Variants in RAD52 observed in about 807,000 individuals in gnomAD.
RAD52 encodes DNA repair protein RAD52 homolog.
In RAD52, 47 loss-of-function variants were observed where a neutral mutation model predicts 55.5. The observed-to-expected ratio is 0.85, with a 90% CI of 0.67 to 1.08. The LOEUF (loss-of-function observed/expected upper bound fraction) is 1.08. Among genes scored for constraint, RAD52 ranks in the 50% least tolerant of loss-of-function variants. The pLI is 0.00. For missense variants in RAD52, 468 were observed against 522.8 expected, an observed-to-expected ratio of 0.90 and a Z score of 1.02; for synonymous variants, 184 against 198.9, an observed-to-expected ratio of 0.92 and a Z score of 0.63.
At chr12:939,085 TA>T (rs1164311435) in intron 1 of RAD52, among the ~76,000 whole-genome samples, 5,630 of 144,512 alleles carry the variant, frequency 0.039, 202 homozygotes, top group African/African-American at 0.098. Flanking sequence ...TGTGTGTGTG[TA>T]GAGAGAGAGA....
chr12:962,991 A>G (rs1592475818), intron 1 of RAD52, among the ~76,000 whole-genome samples: 3 of 152,180 alleles, frequency 2.0e-5, no homozygotes, highest in South Asian at 2.1e-4. Flanking sequence ...GCTTCAAACA[A>G]TCCTTCTGCC....
intron 1 of RAD52, among the ~76,000 whole-genome samples, chr12:980,720 CTT>C (rs1162109929): frequency 1.3e-5 from 2 of 151,918 alleles, no homozygotes; most frequent in Admixed American, 6.6e-5. Flanking sequence ...GCCTCAGCCT[CTT>C]GAGTAGCTAG....
chr12:931,907 G>C (rs763353381), intron 2 of RAD52, among the ~76,000 whole-genome samples: 1 of 152,128 alleles, frequency 6.6e-6, no homozygotes, highest in Admixed American at 6.6e-5. Context: ...TGCTGATTTG[G>C]GTTTTGTCCC....
intron 1 of RAD52, among the ~76,000 whole-genome samples, chr12:938,500 T>G (rs1262237096): frequency 1.3e-5 from 2 of 152,094 alleles, no homozygotes; most frequent in Non-Finnish European, 2.9e-5. Flanking sequence ...CTGGCCAACA[T>G]GGTACAATTC....
chr12:920,559 CA>C (rs35033819), intron 7 of RAD52, among the ~76,000 whole-genome samples: 24,342 of 105,636 alleles, frequency 0.23, 2,016 homozygotes, highest in Admixed American at 0.3. Flanking sequence ...GACTCCGTCT[CA>C]AAAAAAAAAA....
chr12:931,406 C>T, intron 2 of RAD52, 85 bp from the exon 3 acceptor site: 1 of 1,039,838 alleles, frequency 9.6e-7, no homozygotes, highest in South Asian at 1.7e-5. Context: ...AGACTTTATA[C>T]TCTTAAAAAG....
At chr12:952,808 C>A (rs995490609), upstream of RAD52, among the ~76,000 whole-genome samples, 13 of 144,294 alleles carry the variant, frequency 9.0e-5, no homozygotes, top group East Asian at 2.7e-3. Flanking sequence ...AGGAGAATTG[C>A]TTGAACCTGG....
chr12:966,805 T>A lies in RAD52; in HGVS notation c.-19+23004A>T, dbSNP rs185379490. Among the ~76,000 whole-genome samples the A allele has an allele frequency of 1.9e-4, 29 of 152,140 alleles. No homozygotes were observed. In the East Asian group the frequency reaches 3.7e-3, roughly 19 times the overall value. Reference sequence around the variant, plus strand: ...TACTGAGGAAACAGAAGACCAAGTATGTTAGACATTAATAAAAATAAATAG... The same window carrying A: ...TACTGAGGAAACAGAAGACCAAGTAAGTTAGACATTAATAAAAATAAATAG... On this transcript the variant is annotated intron_variant, in intron 1 of 11. Transcript: ENST00000430095.
chr12:915,682 C>T (rs1956322658), intron 9 of RAD52, among the ~76,000 whole-genome samples: 1 of 151,846 alleles, frequency 6.6e-6, no homozygotes, highest in Admixed American at 6.6e-5. Flanking sequence ...GCCTTGTATT[C>T]GAAGATATCT....
At chr12:983,719 C>T (rs753308856) in intron 1 of RAD52, among the ~76,000 whole-genome samples, 3 of 152,142 alleles carry the variant, frequency 2.0e-5, no homozygotes, top group South Asian at 2.1e-4. Context: ...CGCACGCGGC[C>T]GGCTGCATCT....
Position 933,077 on chromosome 12 carries a change from C to T in RAD52, c.-18-1G>A. On this transcript the variant is annotated splice_acceptor_variant, in intron 1 of 11. Transcript: ENST00000358495. LOFTEE classifies it low-confidence loss of function (5UTR_SPLICE). ...CAGACATCTTGATTCTGGTTGACCT[C>T]TATATAAATAAAAAGCGGAAAAAAA... is the stretch of plus-strand genomic sequence containing the variant. The T allele has an allele frequency of 1.9e-6, 3 of 1,567,586 alleles. No homozygotes were observed. Among genetic ancestry groups the T allele is most frequent in the Non-Finnish European group, 2.6e-6 (3 of 1,147,702 alleles).
At chr12:914,745 G>T (rs1442612994) in intron 9 of RAD52, among the ~76,000 whole-genome samples, 1 of 152,208 alleles carries the variant, frequency 6.6e-6, no homozygotes, top group African/African-American at 2.4e-5. Flanking sequence ...CTTCTCACCA[G>T]TGGGAAAAAC....
chr12:988,547 C>G (rs979418851), intron 1 of RAD52, among the ~76,000 whole-genome samples: 2 of 152,048 alleles, frequency 1.3e-5, no homozygotes, highest in African/African-American at 4.8e-5. Context: ...ATAAAGAAAA[C>G]GGGTTTGTTT....
intron 3 of RAD52, 91 bp from the exon 4 acceptor site, chr12:930,235 T>C: frequency 9.3e-7 from 1 of 1,071,146 alleles, no homozygotes; most frequent in Non-Finnish European, 1.4e-6. Context: ...ATTCCTCATC[T>C]ACTTTTTTCG....
chr12:964,013 T>C (rs894492794), intron 1 of RAD52, among the ~76,000 whole-genome samples: 10 of 151,962 alleles, frequency 6.6e-5, no homozygotes, highest in African/African-American at 2.4e-4. Flanking sequence ...GGGAACAGCA[T>C]GGAGCACGTC....
rs1278663206 is a variant in RAD52, at chr12:914,624, A to G, written c.866-92T>C. On this transcript the variant is annotated intron_variant, in intron 9 of 11. Coordinates refer to ENST00000358495, the MANE Select transcript of RAD52 (RefSeq NM_134424.4). ...GGTCCACTCCCCTCTTGTTAGAGGG[A>G]ACACTCTCCGAAGCACAACACCGCT... 5.5e-6 allele frequency: 8 copies of G among 1,466,944 alleles called. No individual in the cohort carries two copies. The African/African-American group carries it at 9.8e-5, about 18-fold the overall frequency. The allele number at this position is 1,466,944 out of a possible 1,614,324, so 90.9% of individuals were successfully genotyped here.
At chr12:984,251 A>C (rs1217953268) in intron 1 of RAD52, among the ~76,000 whole-genome samples, 3 of 152,028 alleles carry the variant, frequency 2.0e-5, no homozygotes, top group African/African-American at 7.3e-5. Flanking sequence ...GCTGGAGTGA[A>C]GTCATGCAAT....
chr12:980,352 G>A (rs61917249), intron 1 of RAD52, among the ~76,000 whole-genome samples: 113,066 of 149,398 alleles, frequency 0.76, 45,060 homozygotes, highest in East Asian at 0.98. Context: ...GGAGTACAAT[G>A]GTGCGATCTT....
At chr12:930,532 T>C (rs879260375) in intron 3 of RAD52, among the ~76,000 whole-genome samples, 3 of 152,112 alleles carry the variant, frequency 2.0e-5, no homozygotes, top group Non-Finnish European at 4.4e-5. Flanking sequence ...CTGTTTGACA[T>C]ATTTTATGGA....
Sources: gnomAD v4.1 joint callset for allele counts (sites outside exome capture counted in the v4.1 genomes callset) on GRCh38, gnomAD v4.1.1 for gene constraint, MANE v1.5 for transcripts, NCBI Gene and HGNC (gene_info 2026-07-23, HGNC 2026-07-21) for gene names.